The following CERK variants were observed in gnomAD, a reference collection of about 807,000 sequenced individuals.
The protein encoded by CERK is acylsphingosine kinase.
In CERK, 39 loss-of-function variants were observed where a neutral mutation model predicts 63.4. The ratio of observed to expected loss-of-function variants is 0.61; its 90% CI spans 0.48 to 0.80. The LOEUF is 0.80. Among genes scored for constraint, CERK ranks in the 30% least tolerant of loss-of-function variants. The pLI is 0.00. For missense variants in CERK, 670 were observed against 714.1 expected, an observed-to-expected ratio of 0.94 and a Z score of 0.70; for synonymous variants, 302 against 280.0, an observed-to-expected ratio of 1.08 and a Z score of -0.78.
At chr22:46,700,117 C>T (rs768062676) in intron 7 of CERK, among the ~76,000 whole-genome samples, 5 of 151,202 alleles carry the variant, frequency 3.3e-5, no homozygotes, top group Non-Finnish European at 7.4e-5. Flanking sequence ...AGGCCAGGTG[C>T]GGTGGCCCGC....
rs939287305 is a variant in CERK, at chr22:46,714,891, G to C, written c.380-2598C>G. Reference sequence around the variant, plus strand: ...ACACAATATCGGTAAGTCAAATCCAGTGACACATAAACAGTACTACATCAC... The same window carrying C: ...ACACAATATCGGTAAGTCAAATCCACTGACACATAAACAGTACTACATCAC... On this transcript the variant is annotated intron_variant, in intron 3 of 12. Coordinates refer to ENST00000216264, the MANE Select transcript of CERK (RefSeq NM_022766.6). The surrounding 1 kb of genome is among the most constrained non-coding windows in gnomAD (Gnocchi z 4.4). 4.5e-4 allele frequency among the ~76,000 whole-genome samples: 68 copies of C among 151,792 alleles called. No homozygotes were observed. Among genetic ancestry groups the C allele is most frequent in the African/African-American group, 1.6e-3 (68 of 41,376 alleles).
At chr22:46,689,234 T>C (rs1214561892) in intron 12 of CERK, among the ~76,000 whole-genome samples, 1 of 152,228 alleles carries the variant, frequency 6.6e-6, no homozygotes, top group African/African-American at 2.4e-5. Context: ...CGGGGTGCCC[T>C]TCCCAGCCCT....
At chr22:46,699,547 G>A in intron 7 of CERK, 82 bp from the exon 8 acceptor site, 1 of 1,294,882 alleles carries the variant, frequency 7.7e-7, no homozygotes, top group Non-Finnish European at 1.1e-6. Flanking sequence ...ATAGCACTTT[G>A]CAAACGTGGG....
Position 46,698,158 on chromosome 22 carries a change from G to A in CERK, c.943+1155C>T, listed in dbSNP as rs561613570. Among the ~76,000 whole-genome samples the A allele has an allele frequency of 2.6e-4, 40 of 152,362 alleles. 1 individual carries two copies. In the Middle Eastern group the frequency reaches 0.02, roughly 78 times the overall value. On this transcript the variant is annotated intron_variant, in intron 8 of 12. Coordinates refer to ENST00000216264, the MANE Select transcript of CERK (RefSeq NM_022766.6). The stretch of plus-strand genomic sequence containing the variant: ...CTCAAGAAAGAGTGAGGCAGGATGC[G>A]GGCAACCTCTTTGTGCCTGTTTTCT...
At chr22:46,737,598 T>A (rs1212862283) in intron 1 of CERK, among the ~76,000 whole-genome samples, 1 of 152,178 alleles carries the variant, frequency 6.6e-6, no homozygotes, top group Admixed American at 6.5e-5. Context: ...AAGAAAAGCA[T>A]CTGTTCTTGG....
chr22:46,702,718 G>A (rs2146557181), intron 6 of CERK, among the ~76,000 whole-genome samples: 1 of 152,390 alleles, frequency 6.6e-6, no homozygotes, highest in South Asian at 2.1e-4. Context: ...CGTGAACGGG[G>A]CCGGCTGCGG....
intron 9 of CERK, among the ~76,000 whole-genome samples, chr22:46,694,353 C>G (rs562473061): frequency 6.6e-6 from 1 of 152,256 alleles, no homozygotes; most frequent in Admixed American, 6.5e-5. Flanking sequence ...TCGCATATTA[C>G]TGAATACACT....
intron 1 of CERK, among the ~76,000 whole-genome samples, chr22:46,724,815 C>A (rs530955083): frequency 1.3e-5 from 2 of 152,040 alleles, no homozygotes; most frequent in African/African-American, 4.8e-5. Flanking sequence ...GTCAGGAGAT[C>A]GAGACCACCC....
At chr22:46,701,886 A>G (rs551173467) in intron 6 of CERK, among the ~76,000 whole-genome samples, 176 bp from the exon 7 acceptor site, 10 of 152,342 alleles carry the variant, frequency 6.6e-5, no homozygotes, top group Admixed American at 2.0e-4. Flanking sequence ...TGATTCCTCA[A>G]GAATATTGAG....
At chr22:46,693,008 T>C (rs973863696) in intron 10 of CERK, among the ~76,000 whole-genome samples, 4 of 151,068 alleles carry the variant, frequency 2.6e-5, no homozygotes, top group Non-Finnish European at 5.9e-5. Flanking sequence ...TGTCCATAAA[T>C]AAAGTTTCAT....
chr22:46,703,711 C>T (rs576052420), intron 6 of CERK, among the ~76,000 whole-genome samples: 3 of 152,324 alleles, frequency 2.0e-5, no homozygotes, highest in South Asian at 2.1e-4. Context: ...GCGTTCTCAC[C>T]GGGGCCCACA....
rs189812993 is a variant in CERK, at chr22:46,686,236, C to A, written c.*898G>T. 1.8e-4 allele frequency: 28 copies of A among 152,342 alleles called. No homozygotes were observed. Among genetic ancestry groups the A allele is most frequent in the African/African-American group, 6.7e-4 (28 of 41,556 alleles). 9.4% of individuals were successfully genotyped at this position (152,342 alleles called of 1,614,324 possible). A position where few individuals can be genotyped will look rare whatever the true frequency, so the allele number is the denominator to read the frequency against. ...AAGAAAAGACAAGGACAAATCTGGA[C>A]CACGTGTACAGACTTCAGGCCCTGC... On this transcript the variant is annotated 3_prime_UTR_variant, in exon 13 of 13. Coordinates refer to ENST00000216264, the MANE Select transcript of CERK (RefSeq NM_022766.6).
chr22:46,735,850 G>C (rs2082970600), intron 1 of CERK, among the ~76,000 whole-genome samples: 1 of 152,244 alleles, frequency 6.6e-6, no homozygotes, highest in African/African-American at 2.4e-5. Flanking sequence ...ACCTGGGCCT[G>C]ATTCCTTTTG....
intron 1 of CERK, among the ~76,000 whole-genome samples, chr22:46,722,725 AT>A (rs2082898640): frequency 6.6e-6 from 1 of 151,950 alleles, no homozygotes; most frequent in Non-Finnish European, 1.5e-5. Context: ...GGTCCAGCTG[AT>A]TTTTGTATTT....
intron 3 of CERK, among the ~76,000 whole-genome samples, chr22:46,718,809 T>C (rs2748352): frequency 0.49 from 74,045 of 152,046 alleles, 20,577 homozygotes; most frequent in African/African-American, 0.77. Flanking sequence ...CTCAGTGGCT[T>C]ACACCTGTAA....
chr22:46,719,042 C>T (rs1281231087), intron 3 of CERK, among the ~76,000 whole-genome samples: 2 of 151,910 alleles, frequency 1.3e-5, no homozygotes. Flanking sequence ...CACTCCACCC[C>T]GGGTGACAGA....
At chr22:46,719,148 T>TTGTGTGTGTGTGTGTGTGTG (rs10583580) in intron 3 of CERK, among the ~76,000 whole-genome samples, 2 of 149,898 alleles carry the variant, frequency 1.3e-5, no homozygotes, top group Admixed American at 6.7e-5. Context: ...ACCTACCACT[T>TTGTGTGTGTGTGTGTGTGTG]TGTGTGTGTG....
At position 46,690,170 on chromosome 22, in the gene CERK, C is replaced by G; in HGVS notation, c.1363G>C (p.Val455Leu). 1.2e-6 allele frequency: 2 copies of G among 1,613,918 alleles called. No homozygotes were observed. Among genetic ancestry groups the G allele is most frequent in the Non-Finnish European group, 1.7e-6 (2 of 1,179,990 alleles). Reference sequence around the variant, plus strand: ...TTCGACGTAAACTGGAATTTCTTGACGCGATAAACTTCAACAAAAGTGAAG... The same window carrying G: ...TTCGACGTAAACTGGAATTTCTTGAGGCGATAAACTTCAACAAAAGTGAAG... ...FDFTFVEVYR[V>L]KKFQFTSKHM... Residue 455 changes from valine to leucine, a missense_variant, in exon 12 of 13, where the codon GTC becomes CTC. Physicochemically the swap from Val to Leu is conservative, Grantham distance 32. Transcript: ENST00000216264.
intron 6 of CERK, 147 bp downstream of exon 6, chr22:46,707,696 C>A (rs1011796581): frequency 8.1e-6 from 7 of 868,332 alleles, no homozygotes; most frequent in South Asian, 3.7e-5. Flanking sequence ...CAATGATATC[C>A]CCCCAAGAGT....
Sources: allele counts gnomAD v4.1 joint callset (sites outside exome capture counted in the v4.1 genomes callset), GRCh38; gene constraint gnomAD v4.1.1; non-coding constraint Gnocchi (gnomAD v3.1); transcripts MANE v1.5; gene names NCBI Gene and HGNC (gene_info 2026-07-23, HGNC 2026-07-21).